Variants in WDR3 observed in about 807,000 individuals in gnomAD.
WDR3 encodes the protein WD repeat domain 3.
In WDR3, 81 loss-of-function variants were observed where a neutral mutation model predicts 123.7. The ratio of observed to expected loss-of-function variants is 0.65; its 90% confidence interval spans 0.55 to 0.79. WDR3 has a LOEUF of 0.79. Ranked by LOEUF, WDR3 falls within the 30% of genes least tolerant of loss-of-function variation. WDR3 has a pLI of 0.00. For synonymous variants in WDR3, 390 were observed against 388.8 expected (o/e 1.00, Z -0.04); for missense variants, 1,027 against 1,123.2 (o/e 0.91, Z 1.22).
chr1:117,934,543 C>A lies in WDR3; in HGVS notation c.242C>A (p.Ala81Asp). 1.9e-6 allele frequency: 3 copies of A among 1,614,154 alleles called. No individual in the cohort carries two copies. The highest frequency in any genetic ancestry group is 1.7e-6 in the Non-Finnish European group (2 of 1,180,010). The change falls in exon 3 of 27, where the codon GCT becomes GAT. Residue 81 changes from alanine (A) to aspartate (D), a missense_variant. Ala to Asp is a moderately radical substitution (Grantham distance 126). Transcript: ENST00000349139. Reference sequence around the variant, plus strand: ...CCCTCCCCAGATGGGCTACACTTAGCTGTTGGGTATGAGGATGGGTCGATC... The same window carrying A: ...CCCTCCCCAGATGGGCTACACTTAGATGTTGGGTATGAGGATGGGTCGATC... ...LCPSPDGLHL[A>D]VGYEDGSIRI...
At position 117,964,820 on chromosome 1, in the gene WDR3, T is replaced by G. The variant is rs1379486998; in HGVS notation, c.*5373T>G. On this transcript the variant is annotated 3_prime_UTR_variant, in exon 27 of 27. Coordinates refer to ENST00000349139, the MANE Select transcript of WDR3 (RefSeq NM_006784.3). ...CTATCTGACACAAGTTCCTTTAACT[T>G]TCTCCTTCACCTCGGAATATCTGAA... 6.6e-6 allele frequency: 1 copy of G among 152,216 alleles called. No individual in the cohort carries two copies. Among genetic ancestry groups the G allele is most frequent in the African/African-American group, 2.4e-5 (1 of 41,452 alleles). The allele number at this position is 152,216 out of a possible 1,614,324, so 9.4% of individuals were successfully genotyped here. A position where few individuals can be genotyped will look rare whatever the true frequency, so the allele number is the denominator to read the frequency against.
At position 117,943,586 on chromosome 1, in the gene WDR3, G is replaced by A. The variant is rs1172449194; in HGVS notation, c.1288G>A (p.Val430Ile). The change falls in exon 11 of 27, where the codon GTT (valine) becomes ATT (isoleucine). Residue 430 changes from valine to isoleucine, a missense_variant. Physicochemically the swap from Val to Ile is conservative, Grantham distance 29 (BLOSUM62 3). Coordinates refer to ENST00000349139, the MANE Select transcript of WDR3 (RefSeq NM_006784.3). ...GTCATTCAGCTCAGACAATATTGCTGTTCTTTCAGCTGCAGCTGATTCCAT... is the reference window on the plus strand; with the variant it reads ...GTCATTCAGCTCAGACAATATTGCTATTCTTTCAGCTGCAGCTGATTCCAT... The part of the protein sequence containing the change: ...TLSFSSDNIA[V>I]LSAAADSIKI... The A allele has an allele frequency of 6.2e-7, 1 of 1,614,144 alleles. No individual in the cohort carries two copies. Among genetic ancestry groups the A allele is most frequent in the Admixed American group, 1.7e-5 (1 of 60,022 alleles).
In WDR3 at chr1:117,933,289, T is replaced by C; in HGVS notation, c.-31T>C. Reference sequence around the variant, plus strand: ...AGTTTTCTTTGTTTATATGCACAGATTGCTTCACCTGTGGTATCAGACATC... The same window carrying C: ...AGTTTTCTTTGTTTATATGCACAGACTGCTTCACCTGTGGTATCAGACATC... On this transcript the variant is annotated splice_region_variant and 5_prime_UTR_variant, in exon 2 of 27. Coordinates refer to ENST00000349139, the MANE Select transcript of WDR3 (RefSeq NM_006784.3). 1.2e-6 allele frequency: 2 copies of C among 1,611,330 alleles called. No homozygotes were observed. Among genetic ancestry groups the C allele is most frequent in the Non-Finnish European group, 1.7e-6 (2 of 1,177,958 alleles).
chr1:117,931,628 T>C (rs532046460), intron 1 of WDR3, among the ~76,000 whole-genome samples: 3 of 152,096 alleles, frequency 2.0e-5, no homozygotes, highest in Non-Finnish European at 2.9e-5. Context: ...CAGATGGGAG[T>C]CCCTGGACCT....
chr1:117,941,413 G>C (rs1651166901), intron 8 of WDR3, among the ~76,000 whole-genome samples, 188 bp downstream of exon 8: 1 of 152,258 alleles, frequency 6.6e-6, no homozygotes, highest in African/African-American at 2.4e-5. Flanking sequence ...TTACTATTAG[G>C]TTGGTGGAAA....
At position 117,937,842 on chromosome 1, in the gene WDR3, T is replaced by C. The variant is rs552032522; in HGVS notation, c.501-638T>C. Among the ~76,000 whole-genome samples the C allele has an allele frequency of 2.6e-5, 4 of 152,226 alleles. No homozygotes were observed. The East Asian group carries it at 7.7e-4, about 29-fold the overall frequency. On this transcript the variant is annotated intron_variant, in intron 4 of 26. Coordinates refer to ENST00000349139, the MANE Select transcript of WDR3 (RefSeq NM_006784.3). ...ATTTAGGGGGTTAAGAACAAATAAATAGGAAATTTTGAGACTGCTGCCAAT... is the reference window on the plus strand; with the variant it reads ...ATTTAGGGGGTTAAGAACAAATAAACAGGAAATTTTGAGACTGCTGCCAAT...
intron 1 of WDR3, among the ~76,000 whole-genome samples, chr1:117,932,587 CCTGT>C (rs1001584452): frequency 7.9e-5 from 12 of 152,180 alleles, no homozygotes; most frequent in South Asian, 2.1e-4. Context: ...TAGAATGGTG[CCTGT>C]CTAATTGGTA....
intron 25 of WDR3, among the ~76,000 whole-genome samples, chr1:117,957,500 A>G (rs1254754358): frequency 2.6e-5 from 4 of 152,214 alleles, no homozygotes. Context: ...TCCATGTTAC[A>G]ATCTTAAGAT....
chr1:117,957,640 A>G (rs890933337), intron 25 of WDR3, among the ~76,000 whole-genome samples: 4 of 152,352 alleles, frequency 2.6e-5, no homozygotes, highest in Middle Eastern at 3.4e-3. Context: ...ATGGCTTTGA[A>G]TGTGGCCCAA....
intron 26 of WDR3, 46 bp downstream of exon 26, chr1:117,959,049 T>G: frequency 6.4e-7 from 1 of 1,570,704 alleles, no homozygotes; most frequent in Non-Finnish European, 8.8e-7. Flanking sequence ...AAATTCCTAG[T>G]GTGATTTAGA....
In WDR3 at chr1:117,961,687, C is replaced by T. The variant is rs1653124107; in HGVS notation, c.*2240C>T. 1.3e-5 allele frequency: 2 copies of T among 152,114 alleles called. No homozygotes were observed. The highest frequency in any genetic ancestry group is 4.1e-4 in the South Asian group (2 of 4,832). 9.4% of individuals were successfully genotyped at this position (152,114 alleles called of 1,614,324 possible). A position where few individuals can be genotyped will look rare whatever the true frequency, so the allele number is the denominator to read the frequency against. ...CCGATTTGTGTCCCAAACCACAAGT[C>T]TTAATGTTCTTGAGCATAACACAAT... On this transcript the variant is annotated 3_prime_UTR_variant, in exon 27 of 27. Transcript: ENST00000349139.
chr1:117,930,728 G>C lies in WDR3; in HGVS notation c.-33+946G>C, dbSNP rs563356306. On this transcript the variant is annotated intron_variant, in intron 1 of 26. Transcript: ENST00000349139. ...AAAGGGATCCTGTTTCAGAGTAACA[G>C]TCAGGTGGAATTGACTAAAGAGAAA... Among the ~76,000 whole-genome samples, 6 of 152,354 alleles carry C rather than the reference G, an allele frequency of 3.9e-5. No individual in the cohort carries two copies. In the South Asian group the frequency reaches 1.2e-3, roughly 32 times the overall value.
In WDR3 at chr1:117,959,463, T is replaced by TC; in HGVS notation, c.*17dup. 2 of 1,570,822 alleles carry TC rather than the reference T, an allele frequency of 1.3e-6. No homozygotes were observed. Among genetic ancestry groups the TC allele is most frequent in the Non-Finnish European group, 1.7e-6 (2 of 1,162,726 alleles). ...GTTGACTTAGAACTGAAATGTGGTA[T>TC]CTTTTTTTTTTTCAACTTTTTCCTT... On this transcript the variant is annotated 3_prime_UTR_variant, in exon 27 of 27. Coordinates refer to ENST00000349139, the MANE Select transcript of WDR3 (RefSeq NM_006784.3).
Position 117,955,519 on chromosome 1 carries a change from G to C in WDR3, c.2453+161G>C, listed in dbSNP as rs144134748. Among the ~76,000 whole-genome samples the C allele has an allele frequency of 1.8e-4, 27 of 152,190 alleles. 2 individuals are homozygous for C. The East Asian group carries it at 5.2e-3, about 29-fold the overall frequency. On this transcript the variant is annotated intron_variant, in intron 24 of 26. Coordinates refer to ENST00000349139, the MANE Select transcript of WDR3 (RefSeq NM_006784.3). The stretch of plus-strand genomic sequence containing the variant: ...AATAATTTATAATGTTCTTTTTGAA[G>C]TGCTAGAACTAGGAAGTTCCTTCTA...
intron 25 of WDR3, 70 bp from the exon 26 acceptor site, chr1:117,958,840 A>T: frequency 9.8e-7 from 1 of 1,017,498 alleles, no homozygotes. Context: ...GTGTCTGTTT[A>T]CTGTTTCTAG....
rs573992529 is a variant in WDR3, at chr1:117,938,340, T to A, written c.501-140T>A. On this transcript the variant is annotated intron_variant, in intron 4 of 26. Transcript: ENST00000349139. ...GTTAGGATTCTTTGCTTTTCAAAAG[T>A]AAGATCAGAGAGAATCGGAGCTTTA... 38 of 607,946 alleles carry A rather than the reference T, an allele frequency of 6.3e-5. No individual in the cohort carries two copies. In the South Asian group the frequency reaches 7.9e-4, roughly 13 times the overall value. 37.7% of individuals were successfully genotyped at this position (607,946 alleles called of 1,614,324 possible). A position where few individuals can be genotyped will look rare whatever the true frequency, so the allele number is the denominator to read the frequency against.
chr1:117,937,724 A>G (rs188880029), intron 4 of WDR3, among the ~76,000 whole-genome samples: 1 of 152,286 alleles, frequency 6.6e-6, no homozygotes, highest in Non-Finnish European at 1.5e-5. Context: ...CAGTTTGCTC[A>G]TGAAGGAGGA....
At chr1:117,936,579 ATGTC>A (rs1468293985) in intron 3 of WDR3, among the ~76,000 whole-genome samples, 186 bp from the exon 4 acceptor site, 2 of 152,128 alleles carry the variant, frequency 1.3e-5, no homozygotes, top group Non-Finnish European at 2.9e-5. Flanking sequence ...AGCAATAACA[ATGTC>A]TGGGGATTAT....
intron 12 of WDR3, among the ~76,000 whole-genome samples, chr1:117,947,326 T>C (rs761602043): frequency 1.3e-5 from 2 of 152,210 alleles, no homozygotes; most frequent in African/African-American, 2.4e-5. Flanking sequence ...TTTGTCATTA[T>C]TATTCCCATA....
Sources: allele counts gnomAD v4.1 joint callset (sites outside exome capture counted in the v4.1 genomes callset), GRCh38; gene constraint gnomAD v4.1.1; transcripts MANE v1.5; gene names NCBI Gene and HGNC (gene_info 2026-07-23, HGNC 2026-07-21).